Variants in PAPPA2 observed in about 807,000 individuals in gnomAD.
PAPPA2 encodes the protein pappalysin-2.
PAPPA2 carries 86 observed loss-of-function variants against 176.4 expected under a neutral mutation model. That is an observed-to-expected ratio of 0.49 (90% CI 0.41 to 0.58). PAPPA2 has a LOEUF of 0.58. Ranked by LOEUF, PAPPA2 falls within the 20% of genes least tolerant of loss-of-function variation. PAPPA2 has a pLI of 0.00. For synonymous variants in PAPPA2, 809 were observed against 852.2 expected, an observed-to-expected ratio of 0.95 and a Z score of 0.88; for missense variants, 2,073 against 2,256.9, an observed-to-expected ratio of 0.92 and a Z score of 1.65.
At chr1:176,730,521 TTGTC>T (rs1280323440) in intron 12 of PAPPA2, among the ~76,000 whole-genome samples, 1 of 152,028 alleles carries the variant, frequency 6.6e-6, no homozygotes, top group Non-Finnish European at 1.5e-5. Context: ...TGCATGGGGT[TTGTC>T]TGGCTTATCA....
At chr1:176,605,352 A>C (rs1654548978) in intron 3 of PAPPA2, among the ~76,000 whole-genome samples, 1 of 152,184 alleles carries the variant, frequency 6.6e-6, no homozygotes. Context: ...AACTGCAGAA[A>C]CTGGATTTAT....
At chr1:176,467,950 T>A (rs11801574) in intron 1 of PAPPA2, among the ~76,000 whole-genome samples, 19,045 of 152,150 alleles carry the variant, frequency 0.13, 1,429 homozygotes, top group African/African-American at 0.21. Context: ...AGCATTTGTG[T>A]GCAGAAACCT....
At chr1:176,618,204 T>A (rs2102687578) in intron 3 of PAPPA2, among the ~76,000 whole-genome samples, 1 of 152,342 alleles carries the variant, frequency 6.6e-6, no homozygotes, top group South Asian at 2.1e-4. Context: ...GATTTTTATA[T>A]TAAGCTAAAC....
At chr1:176,786,775 GGC>G (rs1481338094) in intron 17 of PAPPA2, among the ~76,000 whole-genome samples, 1 of 152,132 alleles carries the variant, frequency 6.6e-6, no homozygotes, top group Non-Finnish European at 1.5e-5. Context: ...TTTTCTCTCA[GGC>G]TCAGTTTTCT....
intron 3 of PAPPA2, among the ~76,000 whole-genome samples, chr1:176,630,880 G>A (rs888460864): frequency 1.3e-5 from 2 of 152,146 alleles, no homozygotes; most frequent in African/African-American, 2.4e-5. Context: ...GAGTAAGTGG[G>A]CAAAACTGTC....
At chr1:176,515,957 G>A (rs1181990070) in intron 1 of PAPPA2, among the ~76,000 whole-genome samples, 1 of 152,148 alleles carries the variant, frequency 6.6e-6, no homozygotes, top group Non-Finnish European at 1.5e-5. Context: ...TCGGAAGGAG[G>A]TATTACTAGC....
chr1:176,769,563 G>A (rs757708464), intron 15 of PAPPA2, 44 bp from the exon 16 acceptor site: 19 of 1,569,742 alleles, frequency 1.2e-5, no homozygotes, highest in Admixed American at 6.8e-5. Context: ...ACTCTGATAC[G>A]CCTTTTAATG....
chr1:176,800,193 A>G, intron 21 of PAPPA2, 61 bp downstream of exon 21: 1 of 1,536,048 alleles, frequency 6.5e-7, no homozygotes, highest in Admixed American at 1.7e-5. Flanking sequence ...TAACTTATGG[A>G]GCTTGAATCC....
chr1:176,561,517 G>A (rs762152756), intron 2 of PAPPA2, among the ~76,000 whole-genome samples: 11 of 152,108 alleles, frequency 7.2e-5, no homozygotes, highest in African/African-American at 1.2e-4. Context: ...GAGAATGATG[G>A]TAAACAGACT....
intron 9 of PAPPA2, among the ~76,000 whole-genome samples, chr1:176,703,402 A>G (rs1469602737): frequency 6.6e-6 from 1 of 152,184 alleles, no homozygotes; most frequent in East Asian, 1.9e-4. Flanking sequence ...CCCCGGTTTT[A>G]GCACTAAAAA....
chr1:176,730,534 C>G (rs900541291), intron 12 of PAPPA2, among the ~76,000 whole-genome samples: 1 of 151,186 alleles, frequency 6.6e-6, no homozygotes. Context: ...TCTGGCTTAT[C>G]AGTGTCTTCA....
At chr1:176,684,693 G>A (rs1018416100) in intron 4 of PAPPA2, among the ~76,000 whole-genome samples, 2 of 152,170 alleles carry the variant, frequency 1.3e-5, no homozygotes, top group Non-Finnish European at 2.9e-5. Flanking sequence ...GGAAGGGAAC[G>A]ATTATTGGCA....
At chr1:176,549,180 G>T (rs1558429005) in intron 1 of PAPPA2, among the ~76,000 whole-genome samples, 1 of 152,178 alleles carries the variant, frequency 6.6e-6, no homozygotes, top group African/African-American at 2.4e-5. Flanking sequence ...CAGATGCATA[G>T]GACATCTTTT....
chr1:176,804,319 A>G (rs1381431121), intron 21 of PAPPA2, among the ~76,000 whole-genome samples: 1 of 152,078 alleles, frequency 6.6e-6, no homozygotes, highest in East Asian at 1.9e-4. Context: ...ACAATTTTGC[A>G]CCCACCACTT....
At chr1:176,673,827 T>C (rs998714552) in intron 4 of PAPPA2, among the ~76,000 whole-genome samples, 1 of 152,080 alleles carries the variant, frequency 6.6e-6, no homozygotes, top group African/African-American at 2.4e-5. Context: ...TTAGTCTTTT[T>C]CCTTTCAGGG....
chr1:176,700,776 A>G (rs1248403978), intron 8 of PAPPA2, among the ~76,000 whole-genome samples: 6 of 152,236 alleles, frequency 3.9e-5, no homozygotes, highest in Non-Finnish European at 8.8e-5. Context: ...AAGAGGCAGC[A>G]AAGTCACATG....
chr1:176,699,354 A>G lies in PAPPA2; in HGVS notation c.3001A>G (p.Thr1001Ala), dbSNP rs760203825. 6.2e-7 allele frequency: 1 copy of G among 1,614,128 alleles called. No homozygotes were observed. Among genetic ancestry groups the G allele is most frequent in the Admixed American group, 1.7e-5 (1 of 60,020 alleles). ...KESVHLGPLD[T>A]FCDIPLTIKL... ...GTCAGTGCACCTGGGCCCCTTAGAC[A>G]CTTTCTGTGACATCCCACTCACCAT... The change falls in exon 8 of 23, where the codon ACT becomes GCT. Residue 1001 changes from threonine to alanine, a missense_variant. Thr to Ala is a moderately conservative substitution (Grantham distance 58). Coordinates refer to ENST00000367662, the MANE Select transcript of PAPPA2 (RefSeq NM_020318.3).
rs3039065 is a variant in PAPPA2, at chr1:176,690,911, T to TAAA, written c.2431+499_2431+501dup. 4.0e-3 allele frequency: 3,714 copies of TAAA among 931,744 alleles called. 2 individuals are homozygous for TAAA. The highest frequency in any genetic ancestry group is 0.014 in the African/African-American group (717 of 51,494). 57.7% of individuals were successfully genotyped at this position (931,744 alleles called of 1,614,324 possible). ...CTCAGCATGTTTTACTGTATGTTAC[T>TAAA]AAAAAAAAAAAAAAAAAAAATCAGA... On this transcript the variant is annotated intron_variant, in intron 5 of 22. Coordinates refer to ENST00000367662, the MANE Select transcript of PAPPA2 (RefSeq NM_020318.3).
chr1:176,482,821 C>T (rs1652465851), intron 1 of PAPPA2, among the ~76,000 whole-genome samples: 1 of 152,144 alleles, frequency 6.6e-6, no homozygotes. Flanking sequence ...GTTATGTGCT[C>T]ATCATCCCTG....
Sources: allele counts gnomAD v4.1 joint callset (sites outside exome capture counted in the v4.1 genomes callset), GRCh38; gene constraint gnomAD v4.1.1; transcripts MANE v1.5; gene names NCBI Gene and HGNC (gene_info 2026-07-23, HGNC 2026-07-21).